FUBP1: variants seen among roughly 807,000 people sequenced by gnomAD.
The protein encoded by FUBP1 is far upstream element-binding protein 1.
A neutral mutation model predicts 94.9 loss-of-function variants in FUBP1; 16 were observed. That is an observed-to-expected ratio of 0.17 (90% CI 0.11 to 0.26). The LOEUF is 0.26. FUBP1 is among the 10% of genes least tolerant of loss of function. FUBP1 has a pLI of 1.00. For synonymous variants in FUBP1, 279 were observed against 254.9 expected, an observed-to-expected ratio of 1.09 and a Z score of -0.90; for missense variants, 583 against 808.6, an observed-to-expected ratio of 0.72 and a Z score of 3.38.
chr1:77,974,545 A>C (rs1658247138), intron 1 of FUBP1, among the ~76,000 whole-genome samples: 1 of 151,588 alleles, frequency 6.6e-6, no homozygotes, highest in Non-Finnish European at 1.5e-5. Flanking sequence ...CTAGGATTAC[A>C]GCCATGAGCC....
intron 18 of FUBP1, among the ~76,000 whole-genome samples, chr1:77,950,051 C>G (rs992326303): frequency 6.6e-6 from 1 of 152,140 alleles, no homozygotes; most frequent in African/African-American, 2.4e-5. Context: ...CAATGAAATG[C>G]AACGCATGAA....
chr1:77,960,327 C>T lies in FUBP1; in HGVS notation c.1496+17G>A. 1 of 1,612,914 alleles carries T rather than the reference C, an allele frequency of 6.2e-7. No homozygotes were observed. Among genetic ancestry groups the T allele is most frequent in the Non-Finnish European group, 8.5e-7 (1 of 1,179,784 alleles). ...TAGAATCTTTGGGGAAAGCCCAGAA[C>T]TAAACCCAATACTTACTGAGGAGCC... On this transcript the variant is annotated intron_variant, in intron 15 of 19. Coordinates refer to ENST00000370768, the MANE Select transcript of FUBP1 (RefSeq NM_003902.5).
Position 77,944,755 on chromosome 1 carries a change from T to C in FUBP1, c.*4011A>G, listed in dbSNP as rs1651797108. Among the ~76,000 whole-genome samples, 1 of 151,938 alleles carries C rather than the reference T, an allele frequency of 6.6e-6. No homozygotes were observed. Among genetic ancestry groups the C allele is most frequent in the Non-Finnish European group, 1.5e-5 (1 of 67,840 alleles). On this transcript the variant is annotated 3_prime_UTR_variant, in exon 20 of 20. Coordinates refer to ENST00000370768, the MANE Select transcript of FUBP1 (RefSeq NM_003902.5). The stretch of plus-strand genomic sequence containing the variant: ...TCCTACCCAAACCCACCCTTATGAA[T>C]TAACTACCAAGATAATTTGTTTAAA...
At position 77,947,405 on chromosome 1, in the gene FUBP1, A is replaced by T. The variant is rs1652391569; in HGVS notation, c.*1361T>A. ...CATTTGCATTATGTGGAACATTGAC[A>T]AAAAGATACTGTTGCAGTTCATCAA... On this transcript the variant is annotated 3_prime_UTR_variant, in exon 20 of 20. Transcript: ENST00000370768. 2 of 561,310 alleles carry T rather than the reference A, an allele frequency of 3.6e-6. No individual in the cohort carries two copies. The highest frequency in any genetic ancestry group is 4.5e-5 in the Admixed American group (2 of 44,014). 34.8% of individuals were successfully genotyped at this position (561,310 alleles called of 1,614,324 possible).
intron 18 of FUBP1, among the ~76,000 whole-genome samples, chr1:77,949,904 C>A (rs905643879): frequency 6.6e-6 from 1 of 152,114 alleles, no homozygotes; most frequent in Non-Finnish European, 1.5e-5. Flanking sequence ...ATTCCAATTA[C>A]AACACAATGT....
At position 77,944,436 on chromosome 1, in the gene FUBP1, T is replaced by G. The variant is rs1235819648; in HGVS notation, c.*4330A>C. Among the ~76,000 whole-genome samples the G allele has an allele frequency of 6.6e-6, 1 of 151,814 alleles. No homozygotes were observed. Among genetic ancestry groups the G allele is most frequent in the African/African-American group, 2.4e-5 (1 of 41,372 alleles). Reference sequence around the variant, plus strand: ...AAAAGCACCAATTTAAAAAAATCCCTCAAAAGCTTATATTGTGGCAAGAAA... The same window carrying G: ...AAAAGCACCAATTTAAAAAAATCCCGCAAAAGCTTATATTGTGGCAAGAAA... On this transcript the variant is annotated 3_prime_UTR_variant, in exon 20 of 20. Coordinates refer to ENST00000370768, the MANE Select transcript of FUBP1 (RefSeq NM_003902.5).
intron 18 of FUBP1, among the ~76,000 whole-genome samples, chr1:77,952,113 T>A (rs996508677): frequency 1.4e-4 from 21 of 152,234 alleles, no homozygotes; most frequent in Admixed American, 5.2e-4. Context: ...TGAAATCTTA[T>A]CAAGATTTTC....
chr1:77,966,983 T>C (rs1201531037), intron 5 of FUBP1, 28 bp from the exon 6 acceptor site: 2 of 1,570,420 alleles, frequency 1.3e-6, no homozygotes, highest in South Asian at 2.3e-5. Context: ...AATTTTTTTT[T>C]TGGTTGAAAG....
chr1:77,948,802 C>T (rs919085385), intron 19 of FUBP1, 28 bp from the exon 20 acceptor site: 5 of 1,606,786 alleles, frequency 3.1e-6, no homozygotes, highest in African/African-American at 2.7e-5. Context: ...ATAAGAAATA[C>T]ACAAAAAGTT....
In FUBP1 at chr1:77,951,439, G is replaced by A. The variant is rs181234994; in HGVS notation, c.1781-2139C>T. ...TTATTTCACTCTTCCAATCTAAAGGGCAAATGTGATTTATTTTGCCCAGTT... is the reference window on the plus strand; with the variant it reads ...TTATTTCACTCTTCCAATCTAAAGGACAAATGTGATTTATTTTGCCCAGTT... On this transcript the variant is annotated intron_variant, in intron 18 of 19. Coordinates refer to ENST00000370768, the MANE Select transcript of FUBP1 (RefSeq NM_003902.5). Among the ~76,000 whole-genome samples, 4 of 152,236 alleles carry A rather than the reference G, an allele frequency of 2.6e-5. No individual in the cohort carries two copies. In the East Asian group the frequency reaches 5.8e-4, roughly 22 times the overall value.
At chr1:77,953,416 G>A (rs1179074243) in intron 18 of FUBP1, among the ~76,000 whole-genome samples, 1 of 152,094 alleles carries the variant, frequency 6.6e-6, no homozygotes, top group Non-Finnish European at 1.5e-5. Flanking sequence ...GCTTGAACCT[G>A]GGAGGCGGAG....
chr1:77,963,979 G>A (rs944634809), intron 12 of FUBP1, 83 bp downstream of exon 12: 1 of 868,744 alleles, frequency 1.2e-6, no homozygotes, highest in Non-Finnish European at 2.0e-6. Context: ...AGCAGACTCT[G>A]ATATAGAGGT....
At chr1:77,962,078 T>G (rs1320068703) in intron 14 of FUBP1, among the ~76,000 whole-genome samples, 3 of 152,198 alleles carry the variant, frequency 2.0e-5, no homozygotes, top group African/African-American at 7.2e-5. Context: ...ACACTTTGTG[T>G]TAAAAACTCC....
intron 1 of FUBP1, among the ~76,000 whole-genome samples, chr1:77,975,841 T>C (rs1394457443): frequency 6.6e-6 from 1 of 151,732 alleles, no homozygotes; most frequent in Non-Finnish European, 1.5e-5. Flanking sequence ...TAGCTCAGGA[T>C]ATTATAAAAA....
upstream of FUBP1, chr1:77,979,181 G>C (rs770144775): frequency 6.0e-5 from 38 of 637,048 alleles, no homozygotes; most frequent in Admixed American, 8.8e-5. Flanking sequence ...CAACGCGCTG[G>C]TGTGGGTTAG....
At chr1:77,951,742 G>T (rs987074764) in intron 18 of FUBP1, among the ~76,000 whole-genome samples, 2 of 152,132 alleles carry the variant, frequency 1.3e-5, no homozygotes, top group Non-Finnish European at 2.9e-5. Flanking sequence ...TCATCCCAAA[G>T]ATAAAAGACT....
Position 77,948,460 on chromosome 1 carries a change from A to G in FUBP1, c.*306T>C. 1 of 1,171,384 alleles carries G rather than the reference A, an allele frequency of 8.5e-7. No homozygotes were observed. Among genetic ancestry groups the G allele is most frequent in the South Asian group, 3.8e-5 (1 of 26,124 alleles). The allele number at this position is 1,171,384 out of a possible 1,614,324, so 72.6% of individuals were successfully genotyped here. On this transcript the variant is annotated 3_prime_UTR_variant, in exon 20 of 20. Transcript: ENST00000370768. ...AAACAGGCATTTTAAAAGTGAAAGT[A>G]TACATTGAAAAAGTACATTTATATC... is the stretch of plus-strand genomic sequence containing the variant.
intron 18 of FUBP1, 73 bp from the exon 19 acceptor site, chr1:77,949,373 A>C: frequency 1.7e-6 from 2 of 1,196,962 alleles, no homozygotes; most frequent in Non-Finnish European, 1.2e-6. Context: ...TAAAAACAAT[A>C]CCTTGCTTCT....
At chr1:77,975,642 GTAGA>G (rs1054328502) in intron 1 of FUBP1, among the ~76,000 whole-genome samples, 2 of 152,138 alleles carry the variant, frequency 1.3e-5, no homozygotes, top group Admixed American at 6.6e-5. Context: ...GAAAAAAACG[GTAGA>G]TAAACACATT....
Sources: gnomAD v4.1 joint callset for allele counts (sites outside exome capture counted in the v4.1 genomes callset) on GRCh38, gnomAD v4.1.1 for gene constraint, MANE v1.5 for transcripts, NCBI Gene and HGNC (gene_info 2026-07-23, HGNC 2026-07-21) for gene names.